Variants in FAT3 observed in about 807,000 individuals in gnomAD.
FAT3 encodes the protein FAT atypical cadherin 3.
FAT3 carries 95 observed loss-of-function variants against 310.2 expected under a neutral mutation model. That is an observed-to-expected ratio of 0.31 (90% CI 0.26 to 0.36). FAT3 has a LOEUF of 0.36. Among genes scored for constraint, FAT3 ranks in the 10% least tolerant of loss-of-function variants. The pLI is 1.00. For synonymous variants in FAT3, 2,314 were observed against 2,192.9 expected (o/e 1.06, Z -1.54); for missense variants, 5,408 against 5,715.6 (o/e 0.95, Z 1.74).
intron 4 of FAT3, among the ~76,000 whole-genome samples, chr11:92,738,439 C>T (rs1945413360): frequency 6.6e-6 from 1 of 152,282 alleles, no homozygotes; most frequent in Admixed American, 6.5e-5. Flanking sequence ...TTCCGCATCC[C>T]TTTGTGATTT....
intron 6 of FAT3, among the ~76,000 whole-genome samples, chr11:92,767,879 T>A (rs1298600091): frequency 6.6e-6 from 1 of 152,146 alleles, no homozygotes; most frequent in Non-Finnish European, 1.5e-5. Context: ...GCAGCCACTA[T>A]GCTAACCCTA....
At chr11:92,392,629 G>T (rs1430640295) in intron 2 of FAT3, among the ~76,000 whole-genome samples, 1 of 152,148 alleles carries the variant, frequency 6.6e-6, no homozygotes, top group African/African-American at 2.4e-5. Context: ...CACTACATTG[G>T]ATAGCTTATC....
At chr11:92,301,384 C>A (rs1439297072) in intron 1 of FAT3, among the ~76,000 whole-genome samples, 1 of 152,112 alleles carries the variant, frequency 6.6e-6, no homozygotes. Context: ...GGGCCCTGCT[C>A]ACTGGGATGG....
chr11:92,682,340 C>T (rs1943504050), intron 3 of FAT3, among the ~76,000 whole-genome samples: 1 of 152,160 alleles, frequency 6.6e-6, no homozygotes. Context: ...CAGGGAAAAG[C>T]TGTGAGTTTT....
intron 3 of FAT3, among the ~76,000 whole-genome samples, chr11:92,577,427 T>C (rs1425316628): frequency 1.3e-5 from 2 of 152,094 alleles, no homozygotes; most frequent in Non-Finnish European, 2.9e-5. Flanking sequence ...TTTTTAAGTA[T>C]TATTTTTAAT....
At chr11:92,549,891 C>G (rs377492363) in intron 3 of FAT3, among the ~76,000 whole-genome samples, 1 of 152,112 alleles carries the variant, frequency 6.6e-6, no homozygotes, top group Non-Finnish European at 1.5e-5. Context: ...TACATATATA[C>G]TCTCATTTCA....
At chr11:92,611,986 C>T (rs1940583670) in intron 3 of FAT3, among the ~76,000 whole-genome samples, 1 of 152,126 alleles carries the variant, frequency 6.6e-6, no homozygotes, top group South Asian at 2.1e-4. Context: ...TAGGACCTAC[C>T]TAATAGCAAC....
intron 4 of FAT3, among the ~76,000 whole-genome samples, chr11:92,739,404 A>T (rs933265144): frequency 6.6e-6 from 1 of 152,182 alleles, no homozygotes; most frequent in African/African-American, 2.4e-5. Context: ...ATCAATAGAC[A>T]TTCCTATTGC....
chr11:92,262,129 T>A (rs1865586231), intron 1 of FAT3, among the ~76,000 whole-genome samples: 1 of 152,066 alleles, frequency 6.6e-6, no homozygotes, highest in Non-Finnish European at 1.5e-5. Flanking sequence ...TCTGAAAAGA[T>A]GGAATAGTGG....
intron 1 of FAT3, among the ~76,000 whole-genome samples, chr11:92,281,040 T>C (rs1946406246): frequency 6.6e-6 from 1 of 152,196 alleles, no homozygotes; most frequent in Non-Finnish European, 1.5e-5. Flanking sequence ...CAAAAAATAC[T>C]GTATTTGAAG....
chr11:92,871,605 C>A (rs531918978), intron 22 of FAT3, among the ~76,000 whole-genome samples: 4 of 152,226 alleles, frequency 2.6e-5, no homozygotes, highest in African/African-American at 9.6e-5. Context: ...ATAGAAGACC[C>A]ATTTGATTGC....
chr11:92,237,077 C>A (rs781441862), intron 1 of FAT3, among the ~76,000 whole-genome samples: 2 of 152,066 alleles, frequency 1.3e-5, no homozygotes, highest in Non-Finnish European at 2.9e-5. Context: ...TGGCACAATT[C>A]CAGCATCATG....
chr11:92,442,094 T>G (rs1951079092), intron 2 of FAT3, among the ~76,000 whole-genome samples: 1 of 47,816 alleles, frequency 2.1e-5, no homozygotes, highest in Non-Finnish European at 4.1e-5. Flanking sequence ...TATATATATA[T>G]ATATATATAT....
rs150791416 is a variant in FAT3, at chr11:92,541,678, G to A, written c.3607+16730G>A. Among the ~76,000 whole-genome samples the A allele has an allele frequency of 1.5e-4, 23 of 152,206 alleles. 1 individual carries two copies. In the East Asian group the frequency reaches 4.4e-3, roughly 29 times the overall value. On this transcript the variant is annotated intron_variant, in intron 3 of 27. Coordinates refer to ENST00000525166, the MANE Select transcript of FAT3 (RefSeq NM_001367949.2). ...CCAGGTCTTAAACATTAACTGAAAT[G>A]GTTAAAGACTTGGGCATGGTTAACA... is the stretch of plus-strand genomic sequence containing the variant.
intron 1 of FAT3, among the ~76,000 whole-genome samples, chr11:92,340,674 T>A (rs1948229736): frequency 6.6e-6 from 1 of 152,330 alleles, no homozygotes; most frequent in Admixed American, 6.5e-5. Context: ...CCCCGAGTTC[T>A]AATTCTTCCA....
chr11:92,597,909 G>C (rs1348653894), intron 3 of FAT3, among the ~76,000 whole-genome samples: 1 of 152,110 alleles, frequency 6.6e-6, no homozygotes, highest in Non-Finnish European at 1.5e-5. Flanking sequence ...GTCTCTGCAG[G>C]ATATCTTTTT....
In FAT3 at chr11:92,796,728, G is replaced by A. The variant is rs571708277; in HGVS notation, c.4823-1108G>A. Among the ~76,000 whole-genome samples, 7 of 152,290 alleles carry A rather than the reference G, an allele frequency of 4.6e-5. No individual in the cohort carries two copies. In the East Asian group the frequency reaches 7.7e-4, roughly 17 times the overall value. On this transcript the variant is annotated intron_variant, in intron 9 of 27. Coordinates refer to ENST00000525166, the MANE Select transcript of FAT3 (RefSeq NM_001367949.2). ...AGCAAAAAGCAACTTGGTGAGGGAT[G>A]CAACTTCACACTACCCACTGCCTTT...
At chr11:92,684,013 A>G (rs1184408182) in intron 3 of FAT3, among the ~76,000 whole-genome samples, 1 of 152,216 alleles carries the variant, frequency 6.6e-6, no homozygotes, top group Non-Finnish European at 1.5e-5. Flanking sequence ...TTACAACCAC[A>G]GTAGCATTGA....
At chr11:92,282,410 A>G (rs1002619007) in intron 1 of FAT3, among the ~76,000 whole-genome samples, 10 of 152,090 alleles carry the variant, frequency 6.6e-5, no homozygotes, top group Admixed American at 6.6e-4. Context: ...CATGCCTATA[A>G]TCTCAGCACT....
Sources: gnomAD v4.1 joint callset for allele counts (sites outside exome capture counted in the v4.1 genomes callset) on GRCh38, gnomAD v4.1.1 for gene constraint, MANE v1.5 for transcripts, NCBI Gene and HGNC (gene_info 2026-07-23, HGNC 2026-07-21) for gene names.